Variants in ULK4 observed in about 807,000 individuals in gnomAD.
The protein encoded by ULK4 is inactive serine/threonine-protein kinase ULK4.
ULK4 carries 133 observed loss-of-function variants against 160.6 expected under a neutral mutation model. The observed-to-expected ratio is 0.83, with a 90% CI of 0.72 to 0.96. ULK4 has a LOEUF of 0.96. Ranked by LOEUF, ULK4 falls within the 40% of genes least tolerant of loss-of-function variation. The pLI, the probability that ULK4 is intolerant of heterozygous loss-of-function variation, is 0.00. For missense variants in ULK4, 1,580 were observed against 1,499.5 expected (o/e 1.05, Z -0.89); for synonymous variants, 534 against 539.8 (o/e 0.99, Z 0.15).
chr3:41,261,863 T>G (rs556262060), intron 35 of ULK4, among the ~76,000 whole-genome samples: 1 of 152,348 alleles, frequency 6.6e-6, no homozygotes, highest in East Asian at 1.9e-4. Context: ...ACATCTCTCC[T>G]GGCGCTCTTA....
At chr3:41,346,785 A>G (rs963448941) in intron 35 of ULK4, among the ~76,000 whole-genome samples, 6 of 152,228 alleles carry the variant, frequency 3.9e-5, no homozygotes, top group African/African-American at 1.4e-4. Flanking sequence ...GAGATATTCT[A>G]TCTTTGAGCT....
At chr3:41,635,119 T>C (rs1358947858) in intron 30 of ULK4, among the ~76,000 whole-genome samples, 1 of 152,218 alleles carries the variant, frequency 6.6e-6, no homozygotes, top group Non-Finnish European at 1.5e-5. Context: ...TCCCATTTCC[T>C]ATAAATGGTA....
At chr3:41,863,286 G>T (rs1346340126) in intron 17 of ULK4, among the ~76,000 whole-genome samples, 1 of 152,096 alleles carries the variant, frequency 6.6e-6, no homozygotes, top group Non-Finnish European at 1.5e-5. Context: ...AAGGCCCAAG[G>T]TCTCTTAAGT....
intron 35 of ULK4, among the ~76,000 whole-genome samples, chr3:41,377,466 C>T (rs551095868): frequency 0.012 from 1,777 of 150,250 alleles, 41 homozygotes; most frequent in African/African-American, 0.042. Context: ...ATTTTCACAA[C>T]CTACTCATCT....
intron 30 of ULK4, among the ~76,000 whole-genome samples, chr3:41,655,255 T>C (rs2034890460): frequency 6.6e-6 from 1 of 151,700 alleles, no homozygotes; most frequent in African/African-American, 2.4e-5. Context: ...GAAACCATCA[T>C]TCTCAGCAAA....
chr3:41,559,636 G>C (rs1173362553), intron 32 of ULK4, among the ~76,000 whole-genome samples: 1 of 151,738 alleles, frequency 6.6e-6, no homozygotes, highest in African/African-American at 2.4e-5. Flanking sequence ...GTGATGATGA[G>C]CATTTTGTCA....
chr3:41,861,002 C>A (rs1016905986), intron 17 of ULK4, among the ~76,000 whole-genome samples: 3 of 152,024 alleles, frequency 2.0e-5, no homozygotes, highest in Non-Finnish European at 4.4e-5. Flanking sequence ...CTACATAAAC[C>A]AACAAACAAG....
intron 32 of ULK4, among the ~76,000 whole-genome samples, chr3:41,514,061 A>C (rs1202631895): frequency 6.6e-6 from 1 of 152,196 alleles, no homozygotes; most frequent in East Asian, 1.9e-4. Context: ...TTTTTCTTGC[A>C]TTTTAACTGT....
intron 19 of ULK4, among the ~76,000 whole-genome samples, chr3:41,807,415 AT>A (rs1266236910): frequency 3.3e-5 from 5 of 152,124 alleles, no homozygotes; most frequent in African/African-American, 1.2e-4. Context: ...TTCAATCCAA[AT>A]TTATGTATTT....
intron 30 of ULK4, among the ~76,000 whole-genome samples, chr3:41,653,241 C>T (rs1037039471): frequency 6.6e-6 from 1 of 152,118 alleles, no homozygotes; most frequent in African/African-American, 2.4e-5. Flanking sequence ...TACCAGACAC[C>T]CAGGGACAGC....
At chr3:41,763,759 G>C (rs993570373) in intron 21 of ULK4, among the ~76,000 whole-genome samples, 2 of 152,148 alleles carry the variant, frequency 1.3e-5, no homozygotes, top group African/African-American at 4.8e-5. Flanking sequence ...CATCTACCTA[G>C]CTTTATTAGA....
At chr3:41,319,214 G>A (rs1305578882) in intron 35 of ULK4, among the ~76,000 whole-genome samples, 1 of 152,116 alleles carries the variant, frequency 6.6e-6, no homozygotes, top group East Asian at 1.9e-4. Context: ...GTGCACCTGG[G>A]CATCTTCGTG....
At chr3:41,573,138 G>C (rs2088061945) in intron 31 of ULK4, among the ~76,000 whole-genome samples, 2 of 152,164 alleles carry the variant, frequency 1.3e-5, no homozygotes, top group South Asian at 2.1e-4. Flanking sequence ...TGCCAGTAGA[G>C]ATCATTAGAA....
At chr3:41,530,134 A>G (rs1480366677) in intron 32 of ULK4, among the ~76,000 whole-genome samples, 1 of 152,254 alleles carries the variant, frequency 6.6e-6, no homozygotes, top group South Asian at 2.1e-4. Context: ...TATGTGAAGT[A>G]TATCTCAATA....
intron 21 of ULK4, among the ~76,000 whole-genome samples, chr3:41,783,055 T>C (rs1575701935): frequency 2.0e-5 from 3 of 150,908 alleles, no homozygotes; most frequent in Admixed American, 1.3e-4. Context: ...ACTAATAGCA[T>C]GACAGCAGAG....
chr3:41,883,186 G>A (rs1473550051), intron 17 of ULK4, among the ~76,000 whole-genome samples: 1 of 152,192 alleles, frequency 6.6e-6, no homozygotes, highest in East Asian at 1.9e-4. Flanking sequence ...GAGAGAAAAT[G>A]TTCCAATTCC....
intron 35 of ULK4, among the ~76,000 whole-genome samples, chr3:41,282,985 T>C (rs1020369485): frequency 6.6e-6 from 1 of 151,932 alleles, no homozygotes; most frequent in Non-Finnish European, 1.5e-5. Context: ...AGTTGGCAAA[T>C]GATATGAACA....
intron 30 of ULK4, among the ~76,000 whole-genome samples, chr3:41,657,098 C>A (rs2034962810): frequency 6.6e-6 from 1 of 152,032 alleles, no homozygotes; most frequent in Non-Finnish European, 1.5e-5. Context: ...CTGCTATACA[C>A]TCAATAATAA....
chr3:41,954,881 T>C lies in ULK4; in HGVS notation c.-48-74A>G, dbSNP rs1332690999. ...ATTAATTAGCCTAGGATAATTAGCC[T>C]AGGATATTATATGTGTAAAAAATCT... On this transcript the variant is annotated intron_variant, in intron 1 of 36. Coordinates refer to ENST00000301831, the MANE Select transcript of ULK4 (RefSeq NM_017886.4). 8 of 940,184 alleles carry C rather than the reference T, an allele frequency of 8.5e-6. No individual in the cohort carries two copies. In the Middle Eastern group the frequency reaches 9.1e-4, roughly 108 times the overall value. The allele number at this position is 940,184 out of a possible 1,614,324, so 58.2% of individuals were successfully genotyped here.
Sources: gnomAD v4.1 joint callset for allele counts (sites outside exome capture counted in the v4.1 genomes callset) on GRCh38, gnomAD v4.1.1 for gene constraint, MANE v1.5 for transcripts, NCBI Gene and HGNC (gene_info 2026-07-23, HGNC 2026-07-21) for gene names.